SLC20A2: variants seen among roughly 807,000 people sequenced by gnomAD.
SLC20A2 encodes the protein solute carrier family 20 member 2.
SLC20A2 carries 30 observed loss-of-function variants against 61.0 expected under a neutral mutation model. The ratio of observed to expected loss-of-function variants is 0.49; its 90% CI spans 0.37 to 0.67. The LOEUF is 0.67. Among genes scored for constraint, SLC20A2 ranks in the 30% least tolerant of loss-of-function variants. SLC20A2 has a pLI of 0.00. For missense variants in SLC20A2, 626 were observed against 866.4 expected (o/e 0.72, Z 3.48); for synonymous variants, 351 against 353.3 (o/e 0.99, Z 0.07).
chr8:42,509,605 A>T (rs959840458), intron 1 of SLC20A2, among the ~76,000 whole-genome samples: 1 of 152,072 alleles, frequency 6.6e-6, no homozygotes, highest in African/African-American at 2.4e-5. Context: ...AAATAAAAAA[A>T]TTAGCGGGTG....
In SLC20A2 at chr8:42,437,228, C is replaced by T. The variant is rs1338597541; in HGVS notation, c.1284G>A (p.Leu428=). The T allele has an allele frequency of 6.2e-7, 1 of 1,613,922 alleles. No individual in the cohort carries two copies. Among genetic ancestry groups the T allele is most frequent in the Non-Finnish European group, 8.5e-7 (1 of 1,180,050 alleles). The change falls in exon 8 of 11, where the codon CTG becomes CTA. Residue 428 remains leucine (L), a synonymous_variant. Coordinates refer to ENST00000520262, the MANE Select transcript of SLC20A2 (RefSeq NM_001257180.2). The surrounding 1 kb of genome is among the most constrained non-coding windows in gnomAD (Gnocchi z 6.4). ...AGTAGCTCGAGTAGCTGTCGTAGCG[C>T]AGCCTCTTCTTGGAGTAGGACACGG... ...GDTVSYSKKR[L]RYDSYSSYCN...
upstream of SLC20A2, among the ~76,000 whole-genome samples, chr8:42,505,501 T>C (rs1388771854): frequency 6.6e-6 from 1 of 152,194 alleles, no homozygotes; most frequent in African/African-American, 2.4e-5. Context: ...AACTCAAGAT[T>C]CTGCATTTTA....
At chr8:42,425,883 A>C (rs945777446) in intron 10 of SLC20A2, among the ~76,000 whole-genome samples, 1 of 152,188 alleles carries the variant, frequency 6.6e-6, no homozygotes, top group African/African-American at 2.4e-5. Context: ...TCTACTAAAA[A>C]TATAAAAAAG....
chr8:42,455,432 G>T (rs1488574042), intron 5 of SLC20A2, among the ~76,000 whole-genome samples: 1 of 151,570 alleles, frequency 6.6e-6, no homozygotes, highest in Admixed American at 6.6e-5. Flanking sequence ...AGGCTGAGGC[G>T]GGCAGATCAT....
At chr8:42,538,983 C>A (rs919088825) in intron 1 of SLC20A2, among the ~76,000 whole-genome samples, 1 of 152,124 alleles carries the variant, frequency 6.6e-6, no homozygotes, top group Non-Finnish European at 1.5e-5. Context: ...AGATCGAGAC[C>A]ATCCTGGCTA....
At chr8:42,423,851 G>A (rs1298747894) in intron 10 of SLC20A2, among the ~76,000 whole-genome samples, 4 of 152,100 alleles carry the variant, frequency 2.6e-5, no homozygotes, top group African/African-American at 7.2e-5. Context: ...TTAATAAATC[G>A]AGTGTGTTTC....
At chr8:42,433,147 A>C (rs912624552) in intron 8 of SLC20A2, among the ~76,000 whole-genome samples, 1 of 152,214 alleles carries the variant, frequency 6.6e-6, no homozygotes, top group Non-Finnish European at 1.5e-5. Flanking sequence ...AGTGTTAAGT[A>C]TATTTACATT....
At chr8:42,426,896 A>T (rs1034155558) in intron 10 of SLC20A2, among the ~76,000 whole-genome samples, 3 of 152,150 alleles carry the variant, frequency 2.0e-5, no homozygotes, top group African/African-American at 7.2e-5. Context: ...GTATTTAGTG[A>T]CACGCGTCTC....
At chr8:42,525,358 G>T (rs1242757409) in intron 1 of SLC20A2, among the ~76,000 whole-genome samples, 1 of 152,054 alleles carries the variant, frequency 6.6e-6, no homozygotes, top group Non-Finnish European at 1.5e-5. Context: ...GAGGTGGGTG[G>T]ATCACTTGAG....
intron 1 of SLC20A2, among the ~76,000 whole-genome samples, chr8:42,519,059 T>C (rs1211090225): frequency 1.3e-5 from 2 of 152,176 alleles, no homozygotes; most frequent in African/African-American, 4.8e-5. Flanking sequence ...GTACTCAAAC[T>C]GTAAGGTGCT....
rs1052320336 is a variant in SLC20A2 at position 42,457,195 on chromosome 8, G to A, written c.613+2701C>T. 1.5e-4 allele frequency among the ~76,000 whole-genome samples: 23 copies of A among 151,900 alleles called. 1 individual carries two copies. The highest frequency in any genetic ancestry group is 5.3e-4 in the African/African-American group (22 of 41,362). On this transcript the variant is annotated intron_variant, in intron 5 of 10. Coordinates refer to ENST00000520262, the MANE Select transcript of SLC20A2 (RefSeq NM_001257180.2). Reference sequence around the variant, plus strand: ...TGCCTTCCTCAGCCTCCCAAACAGCGGGGATTATAGGTGTGAGCCACCGCG... The same window carrying A: ...TGCCTTCCTCAGCCTCCCAAACAGCAGGGATTATAGGTGTGAGCCACCGCG...
chr8:42,420,698 G>A (rs555421984), intron 10 of SLC20A2, among the ~76,000 whole-genome samples: 1 of 152,186 alleles, frequency 6.6e-6, no homozygotes, highest in East Asian at 1.9e-4. Flanking sequence ...AATTATTGTG[G>A]TAAGATATAC....
chr8:42,427,927 G>A (rs1358669140), intron 10 of SLC20A2, among the ~76,000 whole-genome samples: 1 of 152,216 alleles, frequency 6.6e-6, no homozygotes, highest in Non-Finnish European at 1.5e-5. Context: ...TAATACAAAT[G>A]AATGAACCTA....
chr8:42,449,776 G>C (rs1805503123), intron 5 of SLC20A2, among the ~76,000 whole-genome samples: 1 of 152,170 alleles, frequency 6.6e-6, no homozygotes, highest in South Asian at 2.1e-4. Context: ...TTACTTCCCA[G>C]GGAGACAGTA....
At chr8:42,510,800 T>C (rs1239253480) in intron 1 of SLC20A2, among the ~76,000 whole-genome samples, 1 of 152,062 alleles carries the variant, frequency 6.6e-6, no homozygotes, top group African/African-American at 2.4e-5. Context: ...TCTAGGAATG[T>C]TGCAAAAATG....
rs200620922 is a variant in SLC20A2, at chr8:42,472,173, C to A, written c.218G>T (p.Gly73Val). ...GTTGTACAGGTTCACGTCAATGATACCTTTGCGAATGGTTTCTCCTACTTT... is the reference window on the plus strand; with the variant it reads ...GTTGTACAGGTTCACGTCAATGATAACTTTGCGAATGGTTTCTCCTACTTT... ...GAKVGETIRK[G>V]IIDVNLYNET... is the part of the protein sequence containing the mutation. Residue 73 changes from glycine to valine, a missense_variant, in exon 2 of 11, where the codon GGT becomes GTT. Physicochemically the swap from Gly to Val is moderately radical, Grantham distance 109. Around this residue, in one of 3 missense-constraint regions of SLC20A2, gnomAD observed 127 missense variants for 215.4 expected, o/e 0.59. Coordinates refer to ENST00000520262, the MANE Select transcript of SLC20A2 (RefSeq NM_001257180.2). This position sits in a 1 kb window ranked among gnomAD's most constrained non-coding sequence, Gnocchi z 4.1. The A allele has an allele frequency of 4.3e-6, 7 of 1,614,122 alleles. No homozygotes were observed. The highest frequency in any genetic ancestry group is 2.2e-5 in the East Asian group (1 of 44,882).
At chr8:42,450,117 A>C (rs1012908501) in intron 5 of SLC20A2, among the ~76,000 whole-genome samples, 2 of 152,206 alleles carry the variant, frequency 1.3e-5, no homozygotes, top group Non-Finnish European at 2.9e-5. Context: ...AGGAATTCTG[A>C]AACAACTTAG....
At chr8:42,457,165 T>G in intron 5 of SLC20A2, among the ~76,000 whole-genome samples, 1 of 152,080 alleles carries the variant, frequency 6.6e-6, no homozygotes, top group East Asian at 1.9e-4. Flanking sequence ...CTGGTTCAAG[T>G]GATCTGCCTT....
intron 7 of SLC20A2, among the ~76,000 whole-genome samples, chr8:42,438,264 A>G (rs1179787787): frequency 6.6e-6 from 1 of 152,094 alleles, no homozygotes; most frequent in African/African-American, 2.4e-5. Flanking sequence ...GAAACTTCAT[A>G]CATGAGACAA....
Sources: allele counts gnomAD v4.1 joint callset (sites outside exome capture counted in the v4.1 genomes callset), GRCh38; gene constraint gnomAD v4.1.1; regional missense constraint gnomAD v4.1.1; non-coding constraint Gnocchi (gnomAD v3.1); transcripts MANE v1.5; gene names NCBI Gene and HGNC (gene_info 2026-07-23, HGNC 2026-07-21).